MAGI2: variants seen among roughly 807,000 people sequenced by gnomAD.
MAGI2 encodes the protein membrane associated guanylate kinase, WW and PDZ domain containing 2, also known as membrane-associated guanylate kinase, WW and PDZ domain-containing protein 2.
In MAGI2, 35 loss-of-function variants were observed where a neutral mutation model predicts 133.3. That is an observed-to-expected ratio of 0.26 (90% CI 0.20 to 0.35). The LOEUF (loss-of-function observed/expected upper bound fraction) is 0.35, where lower values mean the gene tolerates loss of function less well. MAGI2 is among the 10% of genes least tolerant of loss of function. MAGI2 has a pLI of 1.00. For missense variants in MAGI2, 1,636 were observed against 1,863.4 expected, an observed-to-expected ratio of 0.88 and a Z score of 2.25; for synonymous variants, 729 against 710.6, an observed-to-expected ratio of 1.03 and a Z score of -0.41.
chr7:79,305,873 A>G (rs1240703604), intron 1 of MAGI2, among the ~76,000 whole-genome samples: 2 of 152,150 alleles, frequency 1.3e-5, no homozygotes, highest in Non-Finnish European at 1.5e-5. Context: ...GTGAGATATG[A>G]TCATGGCACT....
chr7:78,719,296 A>C (rs778856361), intron 2 of MAGI2, among the ~76,000 whole-genome samples: 33 of 152,350 alleles, frequency 2.2e-4, no homozygotes, highest in Middle Eastern at 6.8e-3. Flanking sequence ...TGTCCAAATA[A>C]AATAATACCC....
At chr7:78,898,015 A>G (rs1797340805) in intron 2 of MAGI2, among the ~76,000 whole-genome samples, 1 of 152,212 alleles carries the variant, frequency 6.6e-6, no homozygotes, top group African/African-American at 2.4e-5. Context: ...GAACCCTATT[A>G]AAGAGTGAGC....
rs368575261 is a variant in MAGI2 at position 79,371,142 on chromosome 7, A to C, written c.301+81878T>G. On this transcript the variant is annotated intron_variant, in intron 1 of 21. Transcript: ENST00000354212. Reference sequence around the variant, plus strand: ...TAATATTTTCTTCTTCTAAAATCCGATAACAGTTTATTTATTCCTCTACAT... The same window carrying C: ...TAATATTTTCTTCTTCTAAAATCCGCTAACAGTTTATTTATTCCTCTACAT... 1.1e-4 allele frequency among the ~76,000 whole-genome samples: 17 copies of C among 152,236 alleles called. No homozygotes were observed. In the East Asian group the frequency reaches 2.1e-3, roughly 19 times the overall value.
chr7:78,874,828 G>A (rs1795295601), intron 2 of MAGI2, among the ~76,000 whole-genome samples: 1 of 152,090 alleles, frequency 6.6e-6, no homozygotes, highest in Admixed American at 6.5e-5. Flanking sequence ...TAGGCTAATT[G>A]CCCTAATTTG....
intron 2 of MAGI2, among the ~76,000 whole-genome samples, chr7:78,955,541 A>G (rs1802229770): frequency 6.6e-6 from 1 of 152,004 alleles, no homozygotes; most frequent in Admixed American, 6.6e-5. Flanking sequence ...AAACATCTAT[A>G]TTTCATTGTT....
At chr7:78,228,346 T>G (rs1190049802) in intron 10 of MAGI2, among the ~76,000 whole-genome samples, 1 of 152,122 alleles carries the variant, frequency 6.6e-6, no homozygotes, top group Non-Finnish European at 1.5e-5. Context: ...AAATATAAAT[T>G]ATGGAACCAG....
chr7:78,763,737 CAT>C (rs1396411915), intron 2 of MAGI2, among the ~76,000 whole-genome samples: 1 of 152,080 alleles, frequency 6.6e-6, no homozygotes, highest in Non-Finnish European at 1.5e-5. Context: ...AAAAATAAGA[CAT>C]ATAACTTTTC....
intron 1 of MAGI2, among the ~76,000 whole-genome samples, chr7:79,395,814 C>G (rs904551592): frequency 6.6e-6 from 1 of 152,052 alleles, no homozygotes; most frequent in Non-Finnish European, 1.5e-5. Flanking sequence ...CTCACTCCTT[C>G]CATCAGATAC....
chr7:78,757,630 T>G (rs992920990), intron 2 of MAGI2, among the ~76,000 whole-genome samples: 2 of 152,166 alleles, frequency 1.3e-5, no homozygotes, highest in African/African-American at 4.8e-5. Context: ...CAGCTGCACC[T>G]GATACAGTTG....
chr7:78,724,208 G>A (rs187392853), intron 2 of MAGI2, among the ~76,000 whole-genome samples: 258 of 152,284 alleles, frequency 1.7e-3, no homozygotes, highest in Admixed American at 3.3e-3. Context: ...TGTAGGAAGA[G>A]AGGATATAGA....
intron 2 of MAGI2, among the ~76,000 whole-genome samples, chr7:78,758,352 T>C (rs866247355): frequency 6.6e-6 from 1 of 152,206 alleles, no homozygotes; most frequent in African/African-American, 2.4e-5. Context: ...GTAGTACGAA[T>C]GAAGTATGCT....
At chr7:78,440,934 A>T (rs1584132549) in intron 6 of MAGI2, among the ~76,000 whole-genome samples, 1 of 152,242 alleles carries the variant, frequency 6.6e-6, no homozygotes, top group Admixed American at 6.5e-5. Context: ...ACCTGGCAAC[A>T]GAGTGAGACT....
intron 1 of MAGI2, among the ~76,000 whole-genome samples, chr7:79,388,733 A>G (rs1482082026): frequency 6.6e-6 from 1 of 151,784 alleles, no homozygotes; most frequent in African/African-American, 2.4e-5. Context: ...AAGGTGAAAA[A>G]GAAAAATAAT....
intron 1 of MAGI2, among the ~76,000 whole-genome samples, chr7:79,318,652 A>G (rs1055977487): frequency 6.6e-6 from 1 of 152,214 alleles, no homozygotes; most frequent in Non-Finnish European, 1.5e-5. Context: ...CAAATACAAC[A>G]GAGTATTTAT....
chr7:78,414,609 C>T (rs563762593), intron 6 of MAGI2, among the ~76,000 whole-genome samples: 1 of 151,598 alleles, frequency 6.6e-6, no homozygotes, highest in East Asian at 1.9e-4. Flanking sequence ...CCTTAACACA[C>T]ACATGCTGTT....
chr7:78,764,367 G>A (rs1434815753), intron 2 of MAGI2, among the ~76,000 whole-genome samples: 1 of 152,108 alleles, frequency 6.6e-6, no homozygotes, highest in Non-Finnish European at 1.5e-5. Flanking sequence ...GAATTCCAGT[G>A]TCCAGGAATA....
intron 10 of MAGI2, among the ~76,000 whole-genome samples, chr7:78,244,156 T>C (rs193218192): frequency 9.1e-6 from 1 of 110,362 alleles, no homozygotes; most frequent in African/African-American, 3.7e-5. Flanking sequence ...AGACCTCATC[T>C]CTATTTAAAT....
At chr7:79,375,859 C>T (rs563819125) in intron 1 of MAGI2, among the ~76,000 whole-genome samples, 2 of 151,826 alleles carry the variant, frequency 1.3e-5, no homozygotes, top group Admixed American at 1.3e-4. Context: ...ATATTAAATA[C>T]CTTTTTTCAA....
intron 9 of MAGI2, among the ~76,000 whole-genome samples, chr7:78,337,197 T>C (rs780407645): frequency 1.8e-4 from 27 of 152,236 alleles, no homozygotes; most frequent in Admixed American, 1.3e-3. Context: ...TGTTTACAAA[T>C]GATTGCTGGG....
Sources: gnomAD v4.1 joint callset for allele counts (sites outside exome capture counted in the v4.1 genomes callset) on GRCh38, gnomAD v4.1.1 for gene constraint, MANE v1.5 for transcripts, NCBI Gene and HGNC (gene_info 2026-07-23, HGNC 2026-07-21) for gene names.